SLC25A21: variants seen among roughly 807,000 people sequenced by gnomAD.
SLC25A21 encodes the protein mitochondrial 2-oxodicarboxylate carrier.
SLC25A21 carries 47 observed loss-of-function variants against 43.8 expected under a neutral mutation model. The ratio of observed to expected loss-of-function variants is 1.07; its 90% CI spans 0.85 to 1.37. The LOEUF (loss-of-function observed/expected upper bound fraction) is 1.37, where lower values mean the gene tolerates loss of function less well. Among genes scored for constraint, SLC25A21 ranks in the 40% most tolerant of loss-of-function variants. The probability of loss-of-function intolerance (pLI) is 0.00; values close to 1 mark genes in which losing one functional copy is unlikely to be tolerated. For missense variants in SLC25A21, 352 were observed against 350.2 expected, an observed-to-expected ratio of 1.00 and a Z score of -0.04; for synonymous variants, 131 against 121.3, an observed-to-expected ratio of 1.08 and a Z score of -0.52.
chr14:36,924,494 G>C (rs1892074081), intron 1 of SLC25A21, among the ~76,000 whole-genome samples: 1 of 152,020 alleles, frequency 6.6e-6, no homozygotes, highest in African/African-American at 2.4e-5. Flanking sequence ...TTTGGACACA[G>C]GGTGGGGAAC....
At chr14:37,119,651 T>C (rs1963170709) in intron 1 of SLC25A21, among the ~76,000 whole-genome samples, 1 of 152,220 alleles carries the variant, frequency 6.6e-6, no homozygotes. Context: ...AGCCACTATT[T>C]ATTCCTTTAC....
chr14:36,843,034 A>G (rs1227051619), intron 2 of SLC25A21, among the ~76,000 whole-genome samples: 1 of 152,162 alleles, frequency 6.6e-6, no homozygotes, highest in African/African-American at 2.4e-5. Flanking sequence ...ACAGTTCACA[A>G]TAGGGTTCAT....
At chr14:36,835,262 A>G (rs116472310) in intron 2 of SLC25A21, among the ~76,000 whole-genome samples, 2,168 of 152,354 alleles carry the variant, frequency 0.014, 59 homozygotes, top group African/African-American at 0.048. Context: ...CACTTGTGTT[A>G]TTATAAAGTG....
At position 37,029,324 on chromosome 14, in the gene SLC25A21, C is replaced by T. The variant is rs144374179; in HGVS notation, c.70+142957G>A. The stretch of plus-strand genomic sequence containing the variant: ...TCTACATTCTTAGCAGTCTGCAATC[C>T]AAGGAGGGTTAAAGAGGAATGGTCC... On this transcript the variant is annotated intron_variant, in intron 1 of 9. Coordinates refer to ENST00000331299, the MANE Select transcript of SLC25A21 (RefSeq NM_030631.4). Among the ~76,000 whole-genome samples the T allele has an allele frequency of 2.6e-4, 40 of 152,178 alleles. No individual in the cohort carries two copies. The East Asian group carries it at 6.8e-3, about 26-fold the overall frequency.
chr14:36,906,852 T>C (rs1287971561), intron 1 of SLC25A21, among the ~76,000 whole-genome samples: 1 of 152,102 alleles, frequency 6.6e-6, no homozygotes, highest in Non-Finnish European at 1.5e-5. Context: ...TGTGAGGGTC[T>C]GCACTGGTCC....
intron 2 of SLC25A21, among the ~76,000 whole-genome samples, chr14:36,815,971 G>A (rs1197705469): frequency 6.6e-6 from 1 of 152,136 alleles, no homozygotes; most frequent in Admixed American, 6.5e-5. Context: ...TTGATGATAT[G>A]AACGCAACGT....
chr14:37,036,177 C>G (rs1281605097), intron 1 of SLC25A21, among the ~76,000 whole-genome samples: 2 of 151,972 alleles, frequency 1.3e-5, no homozygotes, highest in African/African-American at 2.4e-5. Context: ...CATCTTCCAA[C>G]CAACAGGAAA....
At chr14:36,989,942 CATT>C (rs1489758055) in intron 1 of SLC25A21, among the ~76,000 whole-genome samples, 2 of 152,226 alleles carry the variant, frequency 1.3e-5, no homozygotes, top group East Asian at 3.9e-4. Context: ...AAAAAATCAT[CATT>C]GATATTTATC....
At chr14:36,711,056 G>A (rs1883836333) in intron 7 of SLC25A21, among the ~76,000 whole-genome samples, 1 of 152,178 alleles carries the variant, frequency 6.6e-6, no homozygotes, top group African/African-American at 2.4e-5. Context: ...TCTTCAAGAA[G>A]ATAAATTTTG....
intron 2 of SLC25A21, among the ~76,000 whole-genome samples, chr14:36,827,669 A>T (rs563339579): frequency 2.0e-5 from 3 of 152,346 alleles, no homozygotes; most frequent in Admixed American, 2.0e-4. Context: ...ATTGGTTCAA[A>T]TAAATATTTG....
At chr14:36,749,921 A>G (rs1053447000) in intron 3 of SLC25A21, among the ~76,000 whole-genome samples, 1 of 152,102 alleles carries the variant, frequency 6.6e-6, no homozygotes, top group Non-Finnish European at 1.5e-5. Flanking sequence ...AACATGCTTT[A>G]TGATTTACTT....
intron 1 of SLC25A21, among the ~76,000 whole-genome samples, chr14:36,975,517 T>C (rs1006238714): frequency 3.9e-5 from 6 of 152,258 alleles, no homozygotes; most frequent in African/African-American, 1.2e-4. Flanking sequence ...ATATTTGCAC[T>C]GTTTGTAAAG....
intron 1 of SLC25A21, among the ~76,000 whole-genome samples, chr14:37,089,005 T>C (rs1347089978): frequency 6.6e-6 from 1 of 152,202 alleles, no homozygotes; most frequent in East Asian, 1.9e-4. Flanking sequence ...GCCCATAATG[T>C]ATACAGAGTC....
chr14:36,792,005 T>C (rs1416869568), intron 3 of SLC25A21, among the ~76,000 whole-genome samples: 2 of 152,210 alleles, frequency 1.3e-5, no homozygotes, highest in Non-Finnish European at 2.9e-5. Flanking sequence ...TTCTGTGTTA[T>C]ACTACACTTC....
chr14:36,853,620 A>G lies in SLC25A21; in HGVS notation c.119+21336T>C, dbSNP rs144519503. On this transcript the variant is annotated intron_variant, in intron 2 of 9. Coordinates refer to ENST00000331299, the MANE Select transcript of SLC25A21 (RefSeq NM_030631.4). ...GAGGCCCTCTCCTCAGCCCATTTGG[A>G]CATGTAAACATGCGCTTACTCTACT... is the stretch of plus-strand genomic sequence containing the variant. Among the ~76,000 whole-genome samples the G allele has an allele frequency of 9.2e-5, 14 of 152,238 alleles. No individual in the cohort carries two copies. In the East Asian group the frequency reaches 2.5e-3, roughly 27 times the overall value.
chr14:36,916,536 G>A (rs942918274), intron 1 of SLC25A21, among the ~76,000 whole-genome samples: 8 of 152,150 alleles, frequency 5.3e-5, no homozygotes, highest in African/African-American at 1.7e-4. Flanking sequence ...CAAATATGCC[G>A]ATGGAGTCTA....
chr14:36,699,053 T>C (rs922201983), intron 7 of SLC25A21, among the ~76,000 whole-genome samples: 7 of 152,262 alleles, frequency 4.6e-5, no homozygotes, highest in South Asian at 2.1e-4. Flanking sequence ...CCCATCTTTG[T>C]GGTTTTATCT....
chr14:36,765,572 T>G (rs140112824), intron 3 of SLC25A21, among the ~76,000 whole-genome samples: 37 of 152,318 alleles, frequency 2.4e-4, no homozygotes, highest in Admixed American at 6.5e-4. Context: ...GGCTTACTGT[T>G]GTGCTTCCAG....
intron 1 of SLC25A21, among the ~76,000 whole-genome samples, chr14:37,056,253 G>A (rs898908406): frequency 6.6e-6 from 1 of 152,062 alleles, no homozygotes; most frequent in African/African-American, 2.4e-5. Context: ...CACTTTGGGA[G>A]GCCGAGGCGG....
Sources: allele counts gnomAD v4.1 joint callset (sites outside exome capture counted in the v4.1 genomes callset), GRCh38; gene constraint gnomAD v4.1.1; transcripts MANE v1.5; gene names NCBI Gene and HGNC (gene_info 2026-07-23, HGNC 2026-07-21).